TTYH3: variants seen among roughly 807,000 people sequenced by gnomAD.
TTYH3 encodes tweety family member 3, also known as protein tweety homolog 3.
TTYH3 carries 23 observed loss-of-function variants against 68.2 expected under a neutral mutation model. The ratio of observed to expected loss-of-function variants is 0.34; its 90% CI spans 0.24 to 0.48. The LOEUF is 0.48. Among genes scored for constraint, TTYH3 ranks in the 20% least tolerant of loss-of-function variants. The pLI is 0.99. For synonymous variants in TTYH3, 360 were observed against 332.8 expected (o/e 1.08, Z -0.89); for missense variants, 768 against 727.7 (o/e 1.06, Z -0.64).
intron 5 of TTYH3, 28 bp from the exon 6 acceptor site, chr7:2,649,539 G>A (rs1214517237): frequency 1.9e-6 from 3 of 1,559,254 alleles, no homozygotes; most frequent in Admixed American, 3.7e-5. Context: ...CTGGCCTGGG[G>A]GCTGCTGACT....
chr7:2,638,023 T>C (rs10271044), intron 1 of TTYH3, among the ~76,000 whole-genome samples: 23,513 of 152,266 alleles, frequency 0.15, 2,031 homozygotes, highest in East Asian at 0.33. Flanking sequence ...CTGTGCACGC[T>C]GGCTGGGTTC....
rs1360090459 is a variant in TTYH3 at position 2,660,628 on chromosome 7, G to A, written c.1501-1040G>A. The A allele has an allele frequency of 9.9e-6, 9 of 907,256 alleles. No homozygotes were observed. The East Asian group carries it at 9.6e-4, about 96-fold the overall frequency. The allele number at this position is 907,256 out of a possible 1,614,324, so 56.2% of individuals were successfully genotyped here. On this transcript the variant is annotated intron_variant, in intron 13 of 13. Transcript: ENST00000258796. ...TGGAATGACGAGGCTCCGGGCCGTG[G>A]CTCCTCCCCCCACCCCCTCCGTGGC...
intron 7 of TTYH3, among the ~76,000 whole-genome samples, chr7:2,651,334 C>T (rs977857608): frequency 2.0e-5 from 3 of 152,170 alleles, no homozygotes; most frequent in Admixed American, 2.0e-4. Flanking sequence ...GAAGGAACCA[C>T]TTCCACCAAA....
intron 1 of TTYH3, among the ~76,000 whole-genome samples, chr7:2,635,123 CA>C (rs1005289627): frequency 6.6e-6 from 1 of 152,166 alleles, no homozygotes; most frequent in Non-Finnish European, 1.5e-5. Context: ...TTTGGAGGCC[CA>C]CAGGAGGCCT....
chr7:2,655,303 G>A (rs930618288), intron 9 of TTYH3, among the ~76,000 whole-genome samples: 2 of 152,046 alleles, frequency 1.3e-5, no homozygotes, highest in East Asian at 1.9e-4. Flanking sequence ...GTGCCACCAC[G>A]CCTGGCTAAT....
rs759556627 is a variant in TTYH3, at chr7:2,647,570, C to T, written c.558C>T (p.Pro186=). ...TGCTGGGCTACACGGCCGCCATCCC[C>T]TTTTGGAGGAACACGGCGGTGTCGC... ...ETLLGYTAAI[P]FWRNTAVSLE... The change falls in exon 4 of 14, where the codon CCC becomes CCT. Residue 186 remains proline, a synonymous_variant. Transcript: ENST00000258796. 5 of 1,569,028 alleles carry T rather than the reference C, an allele frequency of 3.2e-6. No homozygotes were observed. The East Asian group carries it at 7.1e-5, about 22-fold the overall frequency.
intron 1 of TTYH3, among the ~76,000 whole-genome samples, chr7:2,646,100 C>T (rs1309940752): frequency 3.3e-5 from 5 of 152,180 alleles, no homozygotes; most frequent in East Asian, 1.9e-4. Flanking sequence ...CTGCAACCTC[C>T]GCCACCCGGG....
At position 2,664,734 on chromosome 7, in the gene TTYH3, C is replaced by G. The variant is rs1258952247; in HGVS notation, c.*2995C>G. 1 of 151,992 alleles carries G rather than the reference C, an allele frequency of 6.6e-6. No homozygotes were observed. Among genetic ancestry groups the G allele is most frequent in the East Asian group, 1.9e-4 (1 of 5,220 alleles). 9.4% of individuals were successfully genotyped at this position (151,992 alleles called of 1,614,324 possible). On this transcript the variant is annotated 3_prime_UTR_variant, in exon 14 of 14. Transcript: ENST00000258796. ...TTTTCTTGGCAAATACTAAAAATCTCGTCAATGTAATTTCTGTGGTTTCTA... is the reference window on the plus strand; with the variant it reads ...TTTTCTTGGCAAATACTAAAAATCTGGTCAATGTAATTTCTGTGGTTTCTA...
chr7:2,640,734 G>A (rs191673447), intron 1 of TTYH3, among the ~76,000 whole-genome samples: 18 of 152,340 alleles, frequency 1.2e-4, no homozygotes, highest in East Asian at 9.7e-4. Context: ...AGGAGGCCGC[G>A]GCAGGCGTGG....
At chr7:2,644,180 C>T (rs969276904) in intron 1 of TTYH3, among the ~76,000 whole-genome samples, 1 of 152,146 alleles carries the variant, frequency 6.6e-6, no homozygotes, top group Non-Finnish European at 1.5e-5. Flanking sequence ...TCCCGGGGGG[C>T]ATGGTCAGCT....
rs1786230372 is a variant in TTYH3, at chr7:2,652,976, T to G, written c.986T>G (p.Leu329Arg). Reference protein sequence around the residue: ...VEMQDVVAELLRTVPWEQPAT... With the variant: ...VEMQDVVAELRRTVPWEQPAT... ...ATGCAGGATGTCGTGGCTGAGCTTC[T>G]GAGGACCGTCCCCTGGGAGCAGCCG... The change falls in exon 9 of 14, where the codon CTG becomes CGG. Residue 329 changes from leucine to arginine, a missense_variant. Transcript: ENST00000258796. The G allele has an allele frequency of 6.3e-7, 1 of 1,575,678 alleles. No individual in the cohort carries two copies. The highest frequency in any genetic ancestry group is 1.3e-5 in the African/African-American group (1 of 74,668).
chr7:2,642,789 G>A (rs1785883840), intron 1 of TTYH3, among the ~76,000 whole-genome samples: 1 of 148,086 alleles, frequency 6.8e-6, no homozygotes, highest in Non-Finnish European at 1.5e-5. Flanking sequence ...TGGGCTGGGT[G>A]TGGTGGCTCA....
chr7:2,643,437 C>T (rs1282284993), intron 1 of TTYH3, among the ~76,000 whole-genome samples: 1 of 152,176 alleles, frequency 6.6e-6, no homozygotes, highest in Non-Finnish European at 1.5e-5. Context: ...CGTCTCTCAC[C>T]ATCCAGCAGG....
intron 11 of TTYH3, 34 bp downstream of exon 11, chr7:2,656,568 C>G: frequency 6.3e-7 from 1 of 1,587,726 alleles, no homozygotes; most frequent in Non-Finnish European, 8.5e-7. Context: ...GGAGCTTGCC[C>G]CAGGCCACAT....
At chr7:2,660,267 C>A (rs996323396) in intron 13 of TTYH3, 1 of 985,294 alleles carries the variant, frequency 1.0e-6, no homozygotes, top group Non-Finnish European at 1.2e-6. Context: ...CCAGGCTCCC[C>A]CTGCCCAGTT....
At chr7:2,633,772 G>C (rs1456871131) in intron 1 of TTYH3, among the ~76,000 whole-genome samples, 6 of 152,360 alleles carry the variant, frequency 3.9e-5, no homozygotes, top group Middle Eastern at 3.4e-3. Context: ...GCAGCCCTGG[G>C]GCGTGGGGGG....
chr7:2,637,633 G>A (rs1259386612), intron 1 of TTYH3, among the ~76,000 whole-genome samples: 2 of 152,162 alleles, frequency 1.3e-5, no homozygotes, highest in East Asian at 1.9e-4. Context: ...AAGAGGAACC[G>A]AATCTGCAGC....
rs775655114 is a variant in TTYH3 at position 2,656,569 on chromosome 7, C to T, written c.1250+35C>T. The T allele has an allele frequency of 2.5e-6, 4 of 1,587,388 alleles. No homozygotes were observed. In the South Asian group the frequency reaches 4.5e-5, roughly 18 times the overall value. ...CCTGGGGGGTCGCAGGAGCTTGCCC[C>T]AGGCCACATGGCATGCGGGACACTT... is the stretch of plus-strand genomic sequence containing the variant. On this transcript the variant is annotated intron_variant, in intron 11 of 13. Coordinates refer to ENST00000258796, the MANE Select transcript of TTYH3 (RefSeq NM_025250.3).
intron 1 of TTYH3, among the ~76,000 whole-genome samples, chr7:2,643,541 C>T (rs1430876166): frequency 1.3e-5 from 2 of 152,226 alleles, no homozygotes; most frequent in Non-Finnish European, 2.9e-5. Flanking sequence ...GCTTAGCAGC[C>T]TCTCCCCACC....
Sources: gnomAD v4.1 joint callset for allele counts (sites outside exome capture counted in the v4.1 genomes callset) on GRCh38, gnomAD v4.1.1 for gene constraint, MANE v1.5 for transcripts, NCBI Gene and HGNC (gene_info 2026-07-23, HGNC 2026-07-21) for gene names.